Variants in NSD1 observed in about 807,000 individuals in gnomAD.
NSD1 encodes the protein nuclear receptor binding SET domain protein 1, also known as histone-lysine N-methyltransferase, H3 lysine-36 specific.
A neutral mutation model predicts 242.7 loss-of-function variants in NSD1; 26 were observed. The ratio of observed to expected loss-of-function variants is 0.11; its 90% CI spans 0.08 to 0.15. The LOEUF is 0.15. NSD1 is among the 10% of genes least tolerant of loss of function. The pLI is 1.00. For synonymous variants in NSD1, 1,106 were observed against 1,178.1 expected (o/e 0.94, Z 1.25); for missense variants, 2,495 against 3,272.8 (o/e 0.76, Z 5.80).
chr5:177,152,729 G>T (rs527267904), intron 2 of NSD1, among the ~76,000 whole-genome samples: 2 of 151,836 alleles, frequency 1.3e-5, no homozygotes, highest in South Asian at 4.2e-4. Context: ...TTCCCAAAGT[G>T]CTGGGATTAC....
At chr5:177,277,930 T>C (rs1758531586) in intron 17 of NSD1, among the ~76,000 whole-genome samples, 1 of 152,216 alleles carries the variant, frequency 6.6e-6, no homozygotes, top group Non-Finnish European at 1.5e-5. Context: ...AGTAAAAATA[T>C]TTCGAATCAG....
At chr5:177,189,057 A>G (rs1261786380) in intron 2 of NSD1, among the ~76,000 whole-genome samples, 2 of 152,124 alleles carry the variant, frequency 1.3e-5, no homozygotes, top group African/African-American at 2.4e-5. Context: ...AAAACACACA[A>G]AAAACCAACC....
rs1045370506 is a variant in NSD1, at chr5:177,276,690, G to A, written c.5622+2906G>A. ...ATGATTTCACTATGTTGCCTAGGCC[G>A]ATCTCCTGGCCTCAGGTTGTCTTCC... On this transcript the variant is annotated intron_variant, in intron 17 of 22. Coordinates refer to ENST00000439151, the MANE Select transcript of NSD1 (RefSeq NM_022455.5). Among the ~76,000 whole-genome samples the A allele has an allele frequency of 9.2e-5, 14 of 151,924 alleles. No homozygotes were observed. In the East Asian group the frequency reaches 2.1e-3, roughly 23 times the overall value.
In NSD1 at chr5:177,280,610, T is replaced by C. The variant is rs780443948; in HGVS notation, c.5668T>C (p.Ser1890Pro). ...GGTACAGATCTTCACTGCAGACTTA[T>C]CTGAAATACCCCGTTGCAACTGTAA... ...GRVQIFTADL[S>P]EIPRCNCKAT... is the part of the protein sequence containing the mutation. The change falls in exon 18 of 23, where the codon TCT becomes CCT. Residue 1890 changes from serine (S) to proline (P), a missense_variant. This residue lies in a region of NSD1 where 114 missense variants were observed against 247.4 expected (regional missense o/e 0.46). Coordinates refer to ENST00000439151, the MANE Select transcript of NSD1 (RefSeq NM_022455.5). 2 of 1,614,234 alleles carry C rather than the reference T, an allele frequency of 1.2e-6. No individual in the cohort carries two copies. The highest frequency in any genetic ancestry group is 1.7e-6 in the Non-Finnish European group (2 of 1,180,050).
At chr5:177,224,934 A>G (rs1255245865) in intron 5 of NSD1, among the ~76,000 whole-genome samples, 1 of 151,712 alleles carries the variant, frequency 6.6e-6, no homozygotes, top group Non-Finnish European at 1.5e-5. Context: ...CCTTTATTCT[A>G]TCCATATGAT....
chr5:177,289,077 T>C, intron 21 of NSD1, 152 bp downstream of exon 21: 1 of 686,860 alleles, frequency 1.5e-6, no homozygotes, highest in Non-Finnish European at 2.6e-6. Context: ...CCCAGCACTT[T>C]GGGAGGCTGA....
Position 177,244,253 on chromosome 5 carries a change from C to A in NSD1, c.4361C>A (p.Ser1454Ter). The A allele has an allele frequency of 6.2e-7, 1 of 1,613,058 alleles. No homozygotes were observed. Among genetic ancestry groups the A allele is most frequent in the South Asian group, 1.1e-5 (1 of 91,004 alleles). Residue 1454 changes from serine (S) to a stop codon, truncating the protein, a stop_gained, in exon 9 of 23, where the codon TCA (serine) becomes TAA (stop). Transcript: ENST00000439151. LOFTEE classifies it high-confidence loss of function. Reference sequence around the variant, plus strand: ...ACTGAATCTTGTGCCACATCTTATTCAAAAGATTTTGGTGGAGGTGAGTAT... The same window carrying A: ...ACTGAATCTTGTGCCACATCTTATTAAAAAGATTTTGGTGGAGGTGAGTAT... Reference protein sequence around the residue: ...GITESCATSYSKDFGGGTTKI... With the variant: ...GITESCATSY
At chr5:177,283,110 C>A (rs112329861) in intron 19 of NSD1, among the ~76,000 whole-genome samples, 1 of 152,016 alleles carries the variant, frequency 6.6e-6, no homozygotes, top group African/African-American at 2.4e-5. Flanking sequence ...TCCGCCACCA[C>A]GCCCGGCTAA....
At chr5:177,230,153 A>T (rs1764946926) in intron 5 of NSD1, among the ~76,000 whole-genome samples, 1 of 146,658 alleles carries the variant, frequency 6.8e-6, no homozygotes, top group Non-Finnish European at 1.5e-5. Flanking sequence ...ACGAAGTCTC[A>T]CTCGGTCGCC....
At chr5:177,224,342 CATG>C (rs1280636708) in intron 5 of NSD1, among the ~76,000 whole-genome samples, 1 of 152,026 alleles carries the variant, frequency 6.6e-6, no homozygotes, top group Non-Finnish European at 1.5e-5. Flanking sequence ...CACTTCTTTC[CATG>C]ATACTTTGTA....
intron 4 of NSD1, among the ~76,000 whole-genome samples, chr5:177,205,597 A>G (rs531101265): frequency 4.3e-4 from 66 of 152,098 alleles, no homozygotes; most frequent in African/African-American, 1.6e-3. Flanking sequence ...GGTTTTAAAT[A>G]CATTTATAAT....
chr5:177,143,916 G>C (rs140601553), intron 2 of NSD1, among the ~76,000 whole-genome samples: 4,686 of 151,236 alleles, frequency 0.031, 85 homozygotes, highest in African/African-American at 0.048. Flanking sequence ...CTCCCAAGTA[G>C]CTTGGATTAT....
At chr5:177,202,530 C>T (rs1300521212) in intron 3 of NSD1, among the ~76,000 whole-genome samples, 4 of 152,094 alleles carry the variant, frequency 2.6e-5, no homozygotes, top group Non-Finnish European at 5.9e-5. Flanking sequence ...AGGCACATGC[C>T]ACCATCCTCA....
intron 2 of NSD1, chr5:177,136,307 G>T: frequency 5.8e-6 from 2 of 343,392 alleles, no homozygotes; most frequent in Non-Finnish European, 1.1e-5. Context: ...AATTTCTCAA[G>T]TTGGAGGTAT....
At position 177,257,121 on chromosome 5, in the gene NSD1, G is replaced by A; in HGVS notation, c.4936G>A (p.Ala1646Thr). Residue 1646 changes from alanine to threonine, a missense_variant, in exon 13 of 23, where the codon GCT becomes ACT. Transcript: ENST00000439151. ...SLHICITCHA[A>T]NPANVSASKG... ...CCACATCTGTATAACCTGTCATGCT[G>A]CTAATCCAGCCAATGTTTCTGCATC... 6.2e-7 allele frequency: 1 copy of A among 1,613,802 alleles called. No homozygotes were observed. Among genetic ancestry groups the A allele is most frequent in the Non-Finnish European group, 8.5e-7 (1 of 1,179,970 alleles).
intron 2 of NSD1, among the ~76,000 whole-genome samples, chr5:177,183,872 A>G (rs573815950): frequency 7.2e-5 from 11 of 152,330 alleles, no homozygotes; most frequent in African/African-American, 2.4e-4. Context: ...TCCCACTAAT[A>G]AGTGAGAACA....
chr5:177,156,970 C>CTAAATAAA (rs34821534), intron 2 of NSD1, among the ~76,000 whole-genome samples: 23 of 151,736 alleles, frequency 1.5e-4, no homozygotes, highest in African/African-American at 3.9e-4. Flanking sequence ...GACTCTGTCT[C>CTAAATAAA]TAAATAAATA....
chr5:177,181,703 G>A (rs1440518840), intron 2 of NSD1, among the ~76,000 whole-genome samples: 1 of 151,510 alleles, frequency 6.6e-6, no homozygotes, highest in Non-Finnish European at 1.5e-5. Context: ...TGGGATTACA[G>A]GTGTGAGCCA....
chr5:177,259,452 A>T (rs1383032688), intron 13 of NSD1, among the ~76,000 whole-genome samples: 1 of 152,000 alleles, frequency 6.6e-6, no homozygotes, highest in Non-Finnish European at 1.5e-5. Context: ...ACACAGGGAA[A>T]CCCCATGTCT....
Sources: gnomAD v4.1 joint callset for allele counts (sites outside exome capture counted in the v4.1 genomes callset) on GRCh38, gnomAD v4.1.1 for gene constraint, gnomAD v4.1.1 regional missense constraint, MANE v1.5 for transcripts, NCBI Gene and HGNC (gene_info 2026-07-23, HGNC 2026-07-21) for gene names.